The following DNAH6 variants were observed in gnomAD, a reference collection of about 807,000 sequenced individuals.
DNAH6 encodes dynein axonemal heavy chain 6.
A neutral mutation model predicts 491.4 loss-of-function variants in DNAH6; 340 were observed. The observed-to-expected ratio is 0.69, with a 90% CI of 0.63 to 0.76. DNAH6 has a LOEUF of 0.76. DNAH6 is among the 30% of genes least tolerant of loss of function. The pLI, the probability that DNAH6 is intolerant of heterozygous loss-of-function variation, is 0.00. For synonymous variants in DNAH6, 1,603 were observed against 1,686.1 expected (o/e 0.95, Z 1.21); for missense variants, 4,443 against 4,972.2 (o/e 0.89, Z 3.20).
At position 84,705,739 on chromosome 2, in the gene DNAH6, G is replaced by T; in HGVS notation, c.8719G>T (p.Ala2907Ser). ...VVEPKRQKLR[A>S]AQAELDITMA... ...CGAACCAAAAAGACAAAAGCTCCGCGCCGCACAGGTACATTTTCTGTATTG... is the reference window on the plus strand; with the variant it reads ...CGAACCAAAAAGACAAAAGCTCCGCTCCGCACAGGTACATTTTCTGTATTG... Residue 2907 changes from alanine to serine, a missense_variant, in exon 52 of 77, where the codon GCC becomes TCC. Coordinates refer to ENST00000389394, the MANE Select transcript of DNAH6 (RefSeq NM_001370.2). 6.5e-7 allele frequency: 1 copy of T among 1,545,828 alleles called. No individual in the cohort carries two copies. The highest frequency in any genetic ancestry group is 8.7e-7 in the Non-Finnish European group (1 of 1,145,114).
At chr2:84,696,761 C>T (rs369557116) in intron 46 of DNAH6, among the ~76,000 whole-genome samples, 3 of 151,902 alleles carry the variant, frequency 2.0e-5, no homozygotes, top group African/African-American at 7.2e-5. Flanking sequence ...AAAGGGTAAA[C>T]GAGAGATTGC....
intron 4 of DNAH6, among the ~76,000 whole-genome samples, chr2:84,536,285 C>T (rs1469528524): frequency 6.6e-6 from 1 of 152,040 alleles, no homozygotes; most frequent in Non-Finnish European, 1.5e-5. Flanking sequence ...CTTAGTTACA[C>T]ACCTGGGTTA....
chr2:84,588,888 G>T lies in DNAH6; in HGVS notation c.2544G>T (p.Leu848=). ...AAATAAGGCTCATATTGAATAATCT[G>T]CAATCTGTTCTGGCTGATCTTCAGA... ...QDKIRLILNN[L]QSVLADLQKR... is the part of the protein sequence containing the mutation. The change falls in exon 16 of 77, where the codon CTG becomes CTT. Residue 848 remains leucine, a synonymous_variant. Coordinates refer to ENST00000389394, the MANE Select transcript of DNAH6 (RefSeq NM_001370.2). 6.4e-7 allele frequency: 1 copy of T among 1,550,660 alleles called. No homozygotes were observed. Among genetic ancestry groups the T allele is most frequent in the African/African-American group, 1.4e-5 (1 of 73,106 alleles).
In DNAH6 at chr2:84,819,311, C is replaced by A; in HGVS notation, c.12380C>A (p.Ser4127Ter). ...RAGTLSTTGH[S>*]TNFVVTVLLP... ...TTCCTATATCCTTAATTAGGACATT[C>A]AACCAATTTTGTGGTAACCGTCCTG... Residue 4127 changes from serine to a stop codon, truncating the protein, a stop_gained, in exon 77 of 77, where the codon TCA becomes TAA. Coordinates refer to ENST00000389394, the MANE Select transcript of DNAH6 (RefSeq NM_001370.2). LOFTEE classifies it high-confidence loss of function. The A allele has an allele frequency of 6.5e-7, 1 of 1,548,338 alleles. No homozygotes were observed.
Position 84,706,469 on chromosome 2 carries a change from G to A in DNAH6, c.8728-427G>A, listed in dbSNP as rs371778094. On this transcript the variant is annotated intron_variant, in intron 52 of 76. Transcript: ENST00000389394. The stretch of plus-strand genomic sequence containing the variant: ...TTTAAAAATGTAAAAACCATTCTTA[G>A]CTTGCATACTGTACAAAAACAGGCA... Among the ~76,000 whole-genome samples, 18 of 152,150 alleles carry A rather than the reference G, an allele frequency of 1.2e-4. No homozygotes were observed. In the South Asian group the frequency reaches 2.5e-3, roughly 21 times the overall value.
chr2:84,525,658 C>T lies in DNAH6; in HGVS notation c.319C>T (p.Pro107Ser), dbSNP rs1676543346. 2.6e-6 allele frequency: 4 copies of T among 1,550,566 alleles called. No homozygotes were observed. The highest frequency in any genetic ancestry group is 3.5e-6 in the Non-Finnish European group (4 of 1,146,306). Reference sequence around the variant, plus strand: ...AATGACTGCAGGAATCATTAAACGTCCAGTAAGCATAGCAAAAAAAAGTTT... The same window carrying T: ...AATGACTGCAGGAATCATTAAACGTTCAGTAAGCATAGCAAAAAAAAGTTT... ...QLMTAGIIKRPVSIAKKSFAT... is the reference protein window; with the variant it reads ...QLMTAGIIKRSVSIAKKSFAT... Residue 107 changes from proline (P) to serine (S), a missense_variant, in exon 3 of 77, where the codon CCA (proline) becomes TCA (serine). Physicochemically the swap from Pro to Ser is moderately conservative, Grantham distance 74 (BLOSUM62 -1). Coordinates refer to ENST00000389394, the MANE Select transcript of DNAH6 (RefSeq NM_001370.2).
At chr2:84,534,694 C>T (rs1371246781) in intron 4 of DNAH6, among the ~76,000 whole-genome samples, 2 of 151,844 alleles carry the variant, frequency 1.3e-5, no homozygotes, top group Non-Finnish European at 2.9e-5. Context: ...TCCCTTCTTT[C>T]CTCTTTTCCT....
In DNAH6 at chr2:84,658,328, T is replaced by A; in HGVS notation, c.5794T>A (p.Phe1932Ile). 6.5e-7 allele frequency: 1 copy of A among 1,542,588 alleles called. No homozygotes were observed. The highest frequency in any genetic ancestry group is 8.7e-7 in the Non-Finnish European group (1 of 1,143,184). Residue 1932 changes from phenylalanine (F) to isoleucine (I), a missense_variant, in exon 36 of 77, where the codon TTC becomes ATC. This residue lies in a region of DNAH6 where 2,977 missense variants were observed against 3,296.6 expected (regional missense o/e 0.90). Coordinates refer to ENST00000389394, the MANE Select transcript of DNAH6 (RefSeq NM_001370.2). Reference protein sequence around the residue: ...EETQEYILNLFQRYVDEGLHF... With the variant: ...EETQEYILNLIQRYVDEGLHF... ...AACCCAAGAATATATATTGAATCTT[T>A]TCCAACGTTATGTTGATGAAGGTTT...
chr2:84,668,095 C>A lies in DNAH6; in HGVS notation c.6085-1194C>A, dbSNP rs191800431. Reference sequence around the variant, plus strand: ...TCACACACCACGGCCTGTCGTGGGGCGGGGGGAGGTGGGAGGGATAGCATT... The same window carrying A: ...TCACACACCACGGCCTGTCGTGGGGAGGGGGGAGGTGGGAGGGATAGCATT... On this transcript the variant is annotated intron_variant, in intron 37 of 76. Transcript: ENST00000389394. 2.3e-4 allele frequency among the ~76,000 whole-genome samples: 33 copies of A among 142,804 alleles called. No individual in the cohort carries two copies. The East Asian group carries it at 6.7e-3, about 29-fold the overall frequency. The allele number at this position is 142,804 out of a possible 152,430, so 93.7% of individuals were successfully genotyped here.
intron 10 of DNAH6, among the ~76,000 whole-genome samples, chr2:84,556,794 C>T (rs4528771): frequency 0.82 from 124,469 of 152,162 alleles, 53,477 homozygotes; most frequent in East Asian, 0.99. Context: ...ATATTATATG[C>T]CAGTTTTATA....
chr2:84,749,704 G>C (rs376867998), intron 63 of DNAH6, among the ~76,000 whole-genome samples: 12 of 152,336 alleles, frequency 7.9e-5, no homozygotes, highest in African/African-American at 2.9e-4. Flanking sequence ...GATCCAGGTG[G>C]AAAGTCTCCA....
intron 24 of DNAH6, among the ~76,000 whole-genome samples, chr2:84,620,555 C>CT (rs1687295323): frequency 5.3e-5 from 8 of 152,088 alleles, no homozygotes; most frequent in Admixed American, 5.2e-4. Context: ...GCATGGGAGA[C>CT]GTTTCACACA....
chr2:84,495,059 G>T, the DNAH6 span, among the ~76,000 whole-genome samples: 2 of 152,280 alleles, frequency 1.3e-5, no homozygotes, highest in East Asian at 3.9e-4. Flanking sequence ...TCAATGTCTG[G>T]ATCTCTCACT....
chr2:84,707,844 T>C (rs1696628738), intron 54 of DNAH6, 128 bp downstream of exon 54: 1 of 693,094 alleles, frequency 1.4e-6, no homozygotes, highest in Non-Finnish European at 2.4e-6. Context: ...AATTTCTTTA[T>C]ATATTTCACA....
At chr2:84,605,373 A>C in intron 19 of DNAH6, 127 bp from the exon 20 acceptor site, 1 of 617,854 alleles carries the variant, frequency 1.6e-6, no homozygotes, top group Admixed American at 3.2e-5. Flanking sequence ...AAAAAAAAGA[A>C]TTTTAGAGAG....
chr2:84,563,611 A>C (rs1404970640), intron 11 of DNAH6, among the ~76,000 whole-genome samples: 1 of 152,102 alleles, frequency 6.6e-6, no homozygotes, highest in Non-Finnish European at 1.5e-5. Flanking sequence ...ACCGTTGTCA[A>C]ATGCGGTTTG....
intron 4 of DNAH6, among the ~76,000 whole-genome samples, chr2:84,542,939 A>C (rs960735276): frequency 6.6e-6 from 1 of 152,184 alleles, no homozygotes; most frequent in Non-Finnish European, 1.5e-5. Context: ...CAGGGAGATC[A>C]CTTGAGGTTA....
At position 84,584,103 on chromosome 2, in the gene DNAH6, T is replaced by G. The variant is rs148485387; in HGVS notation, c.2334T>G (p.Thr778=). The G allele has an allele frequency of 4.9e-4, 790 of 1,614,204 alleles. 13 individuals are homozygous for G. The East Asian group carries it at 0.017, about 35-fold the overall frequency. ...TPPEDFAVFA[T]MKPSIVAVRN... The stretch of plus-strand genomic sequence containing the variant: ...CTGAAGACTTTGCTGTTTTTGCAAC[T>G]ATGAAGCCATCCATTGTTGCTGTTC... The change falls in exon 15 of 77, where the codon ACT becomes ACG. Residue 778 remains threonine (T), a synonymous_variant. Coordinates refer to ENST00000389394, the MANE Select transcript of DNAH6 (RefSeq NM_001370.2).
chr2:84,532,965 A>G (rs899157516), intron 4 of DNAH6, among the ~76,000 whole-genome samples: 3 of 152,188 alleles, frequency 2.0e-5, no homozygotes, highest in Non-Finnish European at 4.4e-5. Context: ...TGCAATGCAG[A>G]TATCAGTGTT....
Sources: gnomAD v4.1 joint callset for allele counts (sites outside exome capture counted in the v4.1 genomes callset) on GRCh38, gnomAD v4.1.1 for gene constraint, gnomAD v4.1.1 regional missense constraint, MANE v1.5 for transcripts, NCBI Gene and HGNC (gene_info 2026-07-23, HGNC 2026-07-21) for gene names.